DENND4A: variants seen among roughly 807,000 people sequenced by gnomAD.
The protein encoded by DENND4A is C-myc promoter-binding protein.
In DENND4A, 70 loss-of-function variants were observed where a neutral mutation model predicts 199.3. That is an observed-to-expected ratio of 0.35 (90% CI 0.29 to 0.43). The LOEUF (loss-of-function observed/expected upper bound fraction) is 0.43. Ranked by LOEUF, DENND4A falls within the 20% of genes least tolerant of loss-of-function variation. DENND4A has a pLI of 1.00. For synonymous variants in DENND4A, 686 were observed against 766.9 expected, an observed-to-expected ratio of 0.89 and a Z score of 1.74; for missense variants, 1,723 against 2,255.8, an observed-to-expected ratio of 0.76 and a Z score of 4.78.
At chr15:65,783,047 A>T (rs2077473858) in intron 1 of DENND4A, among the ~76,000 whole-genome samples, 1 of 151,944 alleles carries the variant, frequency 6.6e-6, no homozygotes, top group African/African-American at 2.4e-5. Context: ...GGCAAGGGAA[A>T]TTTTTTATAA....
intron 1 of DENND4A, among the ~76,000 whole-genome samples, chr15:65,775,113 GA>G (rs1179686825): frequency 2.6e-5 from 4 of 151,890 alleles, no homozygotes; most frequent in Admixed American, 2.6e-4. Flanking sequence ...GCTTATACAG[GA>G]AAAACTACCA....
chr15:65,671,976 A>C, intron 24 of DENND4A, 90 bp from the exon 25 acceptor site: 8 of 815,844 alleles, frequency 9.8e-6, no homozygotes, highest in Non-Finnish European at 8.6e-6. Context: ...TTCTCAGATA[A>C]AATGTTAACC....
chr15:65,781,430 T>G (rs1341295237), intron 1 of DENND4A, among the ~76,000 whole-genome samples: 2 of 152,148 alleles, frequency 1.3e-5, no homozygotes, highest in South Asian at 2.1e-4. Flanking sequence ...TACGAAAAAG[T>G]AAGGAAATAG....
intron 14 of DENND4A, 178 bp downstream of exon 14, chr15:65,715,300 T>C: frequency 5.8e-6 from 3 of 521,164 alleles, no homozygotes; most frequent in Non-Finnish European, 9.6e-6. Context: ...ACAAGGTAAT[T>C]GTAAGAGGTG....
At chr15:65,771,216 A>G (rs1264094936) in intron 1 of DENND4A, 1 of 1,608,682 alleles carries the variant, frequency 6.2e-7, no homozygotes, top group African/African-American at 1.3e-5. Flanking sequence ...AATTCTTTAC[A>G]GTTGTCCATG....
chr15:65,723,209 C>T (rs986359061), intron 11 of DENND4A, among the ~76,000 whole-genome samples: 1 of 152,034 alleles, frequency 6.6e-6, no homozygotes, highest in African/African-American at 2.4e-5. Flanking sequence ...ATTCCAGTTG[C>T]TTTGGAATCT....
intron 4 of DENND4A, among the ~76,000 whole-genome samples, chr15:65,749,605 T>C (rs1005373469): frequency 6.6e-6 from 1 of 151,820 alleles, no homozygotes; most frequent in Admixed American, 6.6e-5. Context: ...CATTCAATAA[T>C]ATATTTAATA....
intron 14 of DENND4A, among the ~76,000 whole-genome samples, chr15:65,706,774 G>A (rs1197851537): frequency 3.3e-5 from 5 of 152,178 alleles, no homozygotes; most frequent in South Asian, 4.1e-4. Flanking sequence ...GATTACAGGC[G>A]TGAGCCACAG....
At chr15:65,712,205 C>T (rs376225335) in intron 14 of DENND4A, among the ~76,000 whole-genome samples, 144 of 152,298 alleles carry the variant, frequency 9.5e-4, no homozygotes, top group African/African-American at 3.3e-3. Context: ...CTGTATCAAT[C>T]ATCCCTCAAG....
intron 21 of DENND4A, chr15:65,696,733 T>C (rs2077157249): frequency 3.4e-6 from 1 of 291,840 alleles, no homozygotes; most frequent in African/African-American, 2.2e-5. Context: ...ACAAATTTTA[T>C]ATTTCCTCAC....
intron 4 of DENND4A, among the ~76,000 whole-genome samples, chr15:65,744,706 G>C (rs1406210408): frequency 1.4e-4 from 21 of 152,142 alleles, no homozygotes. Flanking sequence ...AGCTCTGAGA[G>C]ACTCATAAAG....
In DENND4A at chr15:65,699,185, T is replaced by C. The variant is rs543197533; in HGVS notation, c.2833+1359A>G. Among the ~76,000 whole-genome samples the C allele has an allele frequency of 6.6e-5, 10 of 152,322 alleles. No individual in the cohort carries two copies. The East Asian group carries it at 1.9e-3, about 29-fold the overall frequency. On this transcript the variant is annotated intron_variant, in intron 20 of 32. Coordinates refer to ENST00000443035, the MANE Select transcript of DENND4A (RefSeq NM_001320835.1). ...ATCAAGGAAGAATAACTATGAATAT[T>C]ACATTTCAACAAAATGAGCTTACAT...
intron 4 of DENND4A, among the ~76,000 whole-genome samples, chr15:65,744,134 G>A (rs1381605602): frequency 1.3e-5 from 2 of 152,000 alleles, no homozygotes; most frequent in Non-Finnish European, 2.9e-5. Flanking sequence ...GATGAAAAGA[G>A]GTCAGATTCT....
intron 1 of DENND4A, among the ~76,000 whole-genome samples, chr15:65,789,159 TCCA>T (rs1482219034): frequency 6.6e-6 from 1 of 152,148 alleles, no homozygotes; most frequent in Non-Finnish European, 1.5e-5. Flanking sequence ...TTAAAATTGT[TCCA>T]CTCTTATAAA....
rs937530767 is a variant in DENND4A, at chr15:65,766,358, A to G, written c.-101-4920T>C. 3.3e-5 allele frequency: 5 copies of G among 152,210 alleles called. No individual in the cohort carries two copies. In the East Asian group the frequency reaches 5.8e-4, roughly 18 times the overall value. The allele number at this position is 152,210 out of a possible 1,614,324, so 9.4% of individuals were successfully genotyped here. On this transcript the variant is annotated intron_variant, in intron 1 of 32. Transcript: ENST00000443035. The stretch of plus-strand genomic sequence containing the variant: ...TCACATTCACTCAGGCATCCAGAAC[A>G]TTATACTTGAACATAATTAAACAAA...
Position 65,756,356 on chromosome 15 carries a change from T to C in DENND4A, c.95A>G (p.Asn32Ser), listed in dbSNP as rs747321985. The change falls in exon 3 of 33, where the codon AAT becomes AGT. Residue 32 changes from asparagine to serine, a missense_variant. This residue lies in a region of DENND4A where 725 missense variants were observed against 952.9 expected (regional missense o/e 0.76). Transcript: ENST00000443035. ...SKPLEEEIHFNDACHKVAKPK... is the reference protein window; with the variant it reads ...SKPLEEEIHFSDACHKVAKPK... ...TTTAGCTACTTTATGACAAGCATCA[T>C]TGAAGTGAATTTCTTCTTCTAGAGG... is the stretch of plus-strand genomic sequence containing the variant. The C allele has an allele frequency of 2.2e-5, 35 of 1,613,860 alleles. No homozygotes were observed. The highest frequency in any genetic ancestry group is 4.5e-5 in the East Asian group (2 of 44,876).
chr15:65,746,141 C>CAA (rs776975727), intron 4 of DENND4A, among the ~76,000 whole-genome samples: 2 of 96,120 alleles, frequency 2.1e-5, no homozygotes, highest in African/African-American at 3.7e-5. Context: ...AACTCCGTCT[C>CAA]AAAAAAAAAA....
intron 1 of DENND4A, among the ~76,000 whole-genome samples, chr15:65,781,261 T>C (rs1596697799): frequency 6.6e-6 from 1 of 152,310 alleles, no homozygotes. Context: ...GAGAACCAGG[T>C]AGAAGCCAAG....
intron 23 of DENND4A, among the ~76,000 whole-genome samples, chr15:65,677,774 C>CA (rs774218749): frequency 1.3e-5 from 2 of 152,058 alleles, no homozygotes; most frequent in Non-Finnish European, 2.9e-5. Flanking sequence ...TTTCATATCC[C>CA]AAACTTCTAT....
Sources: gnomAD v4.1 joint callset for allele counts (sites outside exome capture counted in the v4.1 genomes callset) on GRCh38, gnomAD v4.1.1 for gene constraint, gnomAD v4.1.1 regional missense constraint, MANE v1.5 for transcripts, NCBI Gene and HGNC (gene_info 2026-07-23, HGNC 2026-07-21) for gene names.